The following ATP10A variants were observed in gnomAD, a reference collection of about 807,000 sequenced individuals.
The protein encoded by ATP10A is ATPase phospholipid transporting 10A (putative).
A neutral mutation model predicts 147.8 loss-of-function variants in ATP10A; 111 were observed. The ratio of observed to expected loss-of-function variants is 0.75; its 90% CI spans 0.64 to 0.88. ATP10A has a LOEUF of 0.88. ATP10A is among the 40% of genes least tolerant of loss of function. The pLI is 0.00. For missense variants in ATP10A, 1,927 were observed against 1,959.0 expected (o/e 0.98, Z 0.31); for synonymous variants, 875 against 841.6 (o/e 1.04, Z -0.69).
intron 6 of ATP10A, among the ~76,000 whole-genome samples, chr15:25,723,082 C>T (rs969818654): frequency 7.9e-5 from 12 of 152,174 alleles, no homozygotes; most frequent in Non-Finnish European, 1.8e-4. Flanking sequence ...GGTGCAGTGG[C>T]TCATGCCTGT....
intron 1 of ATP10A, among the ~76,000 whole-genome samples, chr15:25,809,210 C>A (rs1891325466): frequency 6.6e-6 from 1 of 152,038 alleles, no homozygotes; most frequent in African/African-American, 2.4e-5. Context: ...AGAAAGAGCC[C>A]AACTGAGTGT....
chr15:25,701,442 G>A (rs1309850052), intron 13 of ATP10A, among the ~76,000 whole-genome samples: 1 of 152,218 alleles, frequency 6.6e-6, no homozygotes, highest in African/African-American at 2.4e-5. Flanking sequence ...GCCGGCGCAA[G>A]AAGTTTTGAG....
chr15:25,677,983 C>T (rs1157012171), downstream of ATP10A: 1 of 152,124 alleles, frequency 6.6e-6, no homozygotes, highest in African/African-American at 2.4e-5. Flanking sequence ...TGGATAAGTC[C>T]TGGGGGTGAC....
Position 25,721,847 on chromosome 15 carries a change from G to T in ATP10A, c.1173C>A (p.Phe391Leu). ...CATACAACTGCATGTCCTGGTTAATGAAGTACACTTGGCATGCTTTAACAA... is the reference window on the plus strand; with the variant it reads ...CATACAACTGCATGTCCTGGTTAATTAAGTACACTTGGCATGCTTTAACAA... ...IEIVKACQVY[F>L]INQDMQLYDE... is the part of the protein sequence containing the mutation. The change falls in exon 7 of 21, where the codon TTC becomes TTA. Residue 391 changes from phenylalanine (F) to leucine (L), a missense_variant. Phe to Leu is a conservative substitution (Grantham distance 22). Coordinates refer to ENST00000555815, the MANE Select transcript of ATP10A (RefSeq NM_024490.4). 6.2e-7 allele frequency: 1 copy of T among 1,614,162 alleles called. No individual in the cohort carries two copies. Among genetic ancestry groups the T allele is most frequent in the South Asian group, 1.1e-5 (1 of 91,082 alleles).
rs75041115 is a variant in ATP10A at position 25,698,872 on chromosome 15, G to T, written c.2760+3044C>A. Among the ~76,000 whole-genome samples the T allele has an allele frequency of 3.3e-4, 50 of 152,124 alleles. 2 individuals carry two copies. In the East Asian group the frequency reaches 9.5e-3, roughly 29 times the overall value. On this transcript the variant is annotated intron_variant, in intron 13 of 20. Coordinates refer to ENST00000555815, the MANE Select transcript of ATP10A (RefSeq NM_024490.4). ...CATAAGTTGAGGAGCATCAGTGCTT[G>T]GGTATGTATCTAACAAAACATGTAT...
chr15:25,859,615 C>T (rs1467786001), intron 1 of ATP10A, among the ~76,000 whole-genome samples: 1 of 151,944 alleles, frequency 6.6e-6, no homozygotes, highest in African/African-American at 2.4e-5. Context: ...ACCTGCTGAG[C>T]GTGGCTCAAG....
At chr15:25,806,327 C>CTTTTCTTTTT (rs71127085) in intron 1 of ATP10A, among the ~76,000 whole-genome samples, 12 of 151,444 alleles carry the variant, frequency 7.9e-5, no homozygotes, top group Non-Finnish European at 5.9e-5. Context: ...CTTTTCTTTT[C>CTTTTCTTTTT]TTTGAGATGG....
chr15:25,713,717 C>A lies in ATP10A; in HGVS notation c.2301G>T (p.Gly767=). The A allele has an allele frequency of 1.9e-6, 3 of 1,614,114 alleles. No homozygotes were observed. Among genetic ancestry groups the A allele is most frequent in the Non-Finnish European group, 2.5e-6 (3 of 1,180,028 alleles). Residue 767 remains glycine, a synonymous_variant, in exon 10 of 21, where the codon GGG becomes GGT. Coordinates refer to ENST00000555815, the MANE Select transcript of ATP10A (RefSeq NM_024490.4). ...LTDEINVYTK[G]ADSVVMDLLQ... ...GGAGATCCATGACCACTGAGTCGGC[C>A]CCCTTGGTGTAGACGTTGATCTCAT... is the stretch of plus-strand genomic sequence containing the variant.
intron 17 of ATP10A, 147 bp downstream of exon 17, chr15:25,683,139 T>C (rs1899515280): frequency 2.6e-6 from 2 of 760,300 alleles, no homozygotes; most frequent in African/African-American, 1.8e-5. Context: ...CAGCCCTTTT[T>C]CTCCATCCTC....
intron 1 of ATP10A, among the ~76,000 whole-genome samples, chr15:25,805,026 G>A (rs1051420709): frequency 5.9e-5 from 9 of 152,322 alleles, no homozygotes; most frequent in African/African-American, 2.2e-4. Context: ...AATAAAAGGC[G>A]CATTGCCAGA....
chr15:25,780,019 C>T (rs771465436), intron 2 of ATP10A, among the ~76,000 whole-genome samples: 78 of 152,296 alleles, frequency 5.1e-4, no homozygotes, highest in Middle Eastern at 3.4e-3. Flanking sequence ...CCCCCTGTGA[C>T]GGTGACCGGG....
At chr15:25,844,484 T>C (rs1405416955) in intron 1 of ATP10A, among the ~76,000 whole-genome samples, 3 of 152,248 alleles carry the variant, frequency 2.0e-5, no homozygotes, top group African/African-American at 4.8e-5. Flanking sequence ...AAAGGGATAT[T>C]AATTGTCCAG....
At chr15:25,769,737 T>A (rs922766434) in intron 2 of ATP10A, among the ~76,000 whole-genome samples, 5 of 152,126 alleles carry the variant, frequency 3.3e-5, no homozygotes, top group African/African-American at 1.2e-4. Context: ...GATGCCACCA[T>A]CCAGGAATGG....
At chr15:25,680,053 C>T in intron 20 of ATP10A, 68 bp downstream of exon 20, 1 of 1,587,720 alleles carries the variant, frequency 6.3e-7, no homozygotes, top group Non-Finnish European at 8.6e-7. Flanking sequence ...CCACATAGAG[C>T]AGAAGCAATG....
Position 25,819,511 on chromosome 15 carries a change from T to C in ATP10A, c.450-38288A>G, listed in dbSNP as rs543651717. Among the ~76,000 whole-genome samples the C allele has an allele frequency of 8.2e-4, 125 of 152,066 alleles. 1 individual carries two copies. Among genetic ancestry groups the C allele is most frequent in the African/African-American group, 2.7e-3 (113 of 41,474 alleles). ...TAGTACAAATCTATGGAAAACAATA[T>C]GGAGATTTCTCAAAGAACTAGAAAT... is the stretch of plus-strand genomic sequence containing the variant. On this transcript the variant is annotated intron_variant, in intron 1 of 20. Transcript: ENST00000555815.
At chr15:25,853,439 A>C (rs1893375317) in intron 1 of ATP10A, among the ~76,000 whole-genome samples, 4 of 152,190 alleles carry the variant, frequency 2.6e-5, no homozygotes, top group Admixed American at 1.3e-4. Context: ...AGGTTCTTCC[A>C]AACATGCTTC....
intron 1 of ATP10A, among the ~76,000 whole-genome samples, chr15:25,800,642 G>A (rs527802634): frequency 2.6e-5 from 4 of 152,282 alleles, no homozygotes; most frequent in South Asian, 2.1e-4. Flanking sequence ...GTGAGTTTAC[G>A]GAGGTACAAG....
chr15:25,714,446 G>A (rs548700155), intron 9 of ATP10A, among the ~76,000 whole-genome samples: 21 of 151,942 alleles, frequency 1.4e-4, no homozygotes, highest in Non-Finnish European at 2.4e-4. Flanking sequence ...TAAACATGTT[G>A]TGCACATGTA....
In ATP10A at chr15:25,862,974, C is replaced by A. The variant is rs780276382; in HGVS notation, c.123G>T (p.Ala41=). ...LLPPPGAEDP[A]AGAAKGERRR... is the part of the protein sequence containing the mutation. Reference sequence around the variant, plus strand: ...GCCGCTCGCCCTTGGCCGCGCCAGCCGCAGGGTCCTCGGCGCCCGGGGGCG... The same window carrying A: ...GCCGCTCGCCCTTGGCCGCGCCAGCAGCAGGGTCCTCGGCGCCCGGGGGCG... Residue 41 remains alanine, a synonymous_variant, in exon 1 of 21, where the codon GCG becomes GCT. Transcript: ENST00000555815. 160 of 1,495,410 alleles carry A rather than the reference C, an allele frequency of 1.1e-4. 2 individuals carry two copies. Among genetic ancestry groups the A allele is most frequent in the Middle Eastern group, 8.8e-4 (5 of 5,662 alleles). The allele number at this position is 1,495,410 out of a possible 1,614,324, so 92.6% of individuals were successfully genotyped here.
Sources: allele counts gnomAD v4.1 joint callset (sites outside exome capture counted in the v4.1 genomes callset), GRCh38; gene constraint gnomAD v4.1.1; transcripts MANE v1.5; gene names NCBI Gene and HGNC (gene_info 2026-07-23, HGNC 2026-07-21).